SLC4A8: variants seen among roughly 807,000 people sequenced by gnomAD.
SLC4A8 encodes electroneutral sodium bicarbonate exchanger 1.
In SLC4A8, 40 loss-of-function variants were observed where a neutral mutation model predicts 125.0. The ratio of observed to expected loss-of-function variants is 0.32; its 90% CI spans 0.25 to 0.42. The LOEUF (loss-of-function observed/expected upper bound fraction) is 0.42, where lower values mean the gene tolerates loss of function less well. Ranked by LOEUF, SLC4A8 falls within the 10% of genes least tolerant of loss-of-function variation. The pLI is 1.00. For synonymous variants in SLC4A8, 456 were observed against 476.0 expected, an observed-to-expected ratio of 0.96 and a Z score of 0.55; for missense variants, 863 against 1,355.1, an observed-to-expected ratio of 0.64 and a Z score of 5.70.
At chr12:51,472,978 A>G (rs1950748045) in intron 14 of SLC4A8, among the ~76,000 whole-genome samples, 1 of 152,122 alleles carries the variant, frequency 6.6e-6, no homozygotes, top group Non-Finnish European at 1.5e-5. Context: ...CAGCACACAC[A>G]CAGTCTCCCC....
At chr12:51,474,027 A>AAAC (rs1950788385) in intron 14 of SLC4A8, among the ~76,000 whole-genome samples, 1 of 151,914 alleles carries the variant, frequency 6.6e-6, no homozygotes, top group South Asian at 2.1e-4. Flanking sequence ...GGCAAAAACA[A>AAAC]AAAAACAAAA....
intron 1 of SLC4A8, among the ~76,000 whole-genome samples, chr12:51,396,925 A>ATTTT (rs753146267): frequency 0.025 from 2,656 of 106,182 alleles, 92 homozygotes; most frequent in African/African-American, 0.038. Flanking sequence ...GCCTTAGTTA[A>ATTTT]TTTTTTTTTT....
chr12:51,484,537 T>C (rs1232359084), intron 16 of SLC4A8, among the ~76,000 whole-genome samples: 5 of 152,152 alleles, frequency 3.3e-5, no homozygotes, highest in African/African-American at 1.2e-4. Context: ...GAATTTATAT[T>C]GCATTCAGAG....
At chr12:51,425,191 G>C (rs1422333965) in intron 1 of SLC4A8, 156 bp downstream of exon 1, 2 of 1,422,582 alleles carry the variant, frequency 1.4e-6, no homozygotes, top group Non-Finnish European at 1.8e-6. Context: ...GGCGCTCCGG[G>C]CGGTTGGGGA....
chr12:51,393,894 C>G (rs1948209514), intron 1 of SLC4A8, among the ~76,000 whole-genome samples: 2 of 152,222 alleles, frequency 1.3e-5, no homozygotes, highest in African/African-American at 4.8e-5. Context: ...CCAGCTGCTT[C>G]TATTCTTGTC....
intron 11 of SLC4A8, 42 bp from the exon 12 acceptor site, chr12:51,469,572 A>T: frequency 6.4e-7 from 1 of 1,571,378 alleles, no homozygotes; most frequent in Non-Finnish European, 8.7e-7. Context: ...GCTTTTAGGG[A>T]AGACGGACTG....
At chr12:51,440,137 A>C (rs1460432423) in intron 1 of SLC4A8, among the ~76,000 whole-genome samples, 1 of 151,074 alleles carries the variant, frequency 6.6e-6, no homozygotes, top group African/African-American at 2.4e-5. Context: ...CAAATGCTGC[A>C]AAGAGGCCAA....
chr12:51,447,714 CTTTTT>C (rs1239053396), intron 2 of SLC4A8, among the ~76,000 whole-genome samples: 2 of 125,710 alleles, frequency 1.6e-5, no homozygotes, highest in Admixed American at 8.2e-5. Context: ...GGGATTTCCA[CTTTTT>C]TTTTTTTTTT....
intron 15 of SLC4A8, chr12:51,474,651 T>TC (rs1485991314): frequency 4.4e-6 from 4 of 900,622 alleles, no homozygotes; most frequent in East Asian, 2.7e-5. Flanking sequence ...TTCTCTTTTC[T>TC]CCCCCCTACA....
At chr12:51,489,147 C>T (rs1951236602) in intron 18 of SLC4A8, among the ~76,000 whole-genome samples, 1 of 152,220 alleles carries the variant, frequency 6.6e-6, no homozygotes, top group Non-Finnish European at 1.5e-5. Flanking sequence ...GGTCAAGCAA[C>T]TGTACAGCTT....
chr12:51,464,771 T>C (rs1950461098), intron 11 of SLC4A8, among the ~76,000 whole-genome samples: 1 of 152,226 alleles, frequency 6.6e-6, no homozygotes, highest in South Asian at 2.1e-4. Context: ...CTCAGCACTC[T>C]ACCCAGTGGA....
rs1302121532 is a variant in SLC4A8 at position 51,460,089 on chromosome 12, G to T, written c.994G>T (p.Glu332Ter). 1 of 1,613,982 alleles carries T rather than the reference G, an allele frequency of 6.2e-7. No homozygotes were observed. Among genetic ancestry groups the T allele is most frequent in the Admixed American group, 1.7e-5 (1 of 60,014 alleles). The change falls in exon 8 of 25, where the codon GAA becomes TAA. Residue 332 changes from glutamate to a stop codon, truncating the protein, a stop_gained. Transcript: ENST00000453097. LOFTEE classifies it high-confidence loss of function. ...AGCTGTTCTTCTCTCAGGCCTAACA[G>T]AAGTGCCAATCCCAACAAGGTAAAG... ...SPAVLLSGLT[E>*]VPIPTRFLFI...
At chr12:51,393,595 G>A (rs530970130) in intron 1 of SLC4A8, among the ~76,000 whole-genome samples, 227 of 152,290 alleles carry the variant, frequency 1.5e-3, no homozygotes, top group African/African-American at 5.0e-3. Context: ...GTTCTTTGAT[G>A]GAGTCAGGAG....
At chr12:51,504,197 C>A in intron 23 of SLC4A8, 77 bp downstream of exon 23, 1 of 849,976 alleles carries the variant, frequency 1.2e-6, no homozygotes, top group Non-Finnish European at 1.9e-6. Context: ...GTGGTGGTGT[C>A]ACAAGTGCAG....
At chr12:51,417,333 G>T (rs527277436) in intron 1 of SLC4A8, among the ~76,000 whole-genome samples, 3 of 151,046 alleles carry the variant, frequency 2.0e-5, no homozygotes, top group African/African-American at 7.3e-5. Flanking sequence ...GCAACACCAC[G>T]GCTGGCTAGT....
chr12:51,438,637 A>G (rs551983383), intron 1 of SLC4A8, among the ~76,000 whole-genome samples: 1 of 152,296 alleles, frequency 6.6e-6, no homozygotes, highest in Non-Finnish European at 1.5e-5. Context: ...TCCTTTGGAT[A>G]AATGCCCAGT....
intron 2 of SLC4A8, among the ~76,000 whole-genome samples, chr12:51,449,020 A>C (rs1842459284): frequency 6.6e-6 from 1 of 152,192 alleles, no homozygotes; most frequent in Non-Finnish European, 1.5e-5. Flanking sequence ...TAACAGAAGC[A>C]ACAGGATACC....
At chr12:51,410,370 A>C (rs918036799) in intron 1 of SLC4A8, among the ~76,000 whole-genome samples, 3 of 152,250 alleles carry the variant, frequency 2.0e-5, no homozygotes, top group Non-Finnish European at 2.9e-5. Flanking sequence ...TTTACTAGGA[A>C]TATATCTCTA....
At chr12:51,461,742 C>G (rs1950330737) in intron 9 of SLC4A8, 1 of 180,080 alleles carries the variant, frequency 5.6e-6, no homozygotes, top group South Asian at 1.1e-4. Flanking sequence ...CCAAAACAAC[C>G]AGATATTTTG....
Sources: allele counts gnomAD v4.1 joint callset (sites outside exome capture counted in the v4.1 genomes callset), GRCh38; gene constraint gnomAD v4.1.1; transcripts MANE v1.5; gene names NCBI Gene and HGNC (gene_info 2026-07-23, HGNC 2026-07-21).